KLHL2: variants seen among roughly 807,000 people sequenced by gnomAD.
The protein encoded by KLHL2 is kelch like family member 2.
KLHL2 carries 15 observed loss-of-function variants against 75.8 expected under a neutral mutation model. The ratio of observed to expected loss-of-function variants is 0.20; its 90% CI spans 0.13 to 0.30. The LOEUF (loss-of-function observed/expected upper bound fraction) is 0.30. Among genes scored for constraint, KLHL2 ranks in the 10% least tolerant of loss-of-function variants. KLHL2 has a pLI of 1.00. For missense variants in KLHL2, 381 were observed against 741.0 expected, an observed-to-expected ratio of 0.51 and a Z score of 5.64; for synonymous variants, 214 against 251.9, an observed-to-expected ratio of 0.85 and a Z score of 1.42.
At chr4:165,296,870 T>C (rs1744954198) in intron 6 of KLHL2, among the ~76,000 whole-genome samples, 1 of 152,204 alleles carries the variant, frequency 6.6e-6, no homozygotes, top group South Asian at 2.1e-4. Context: ...TTCTTGCTTT[T>C]TTTTTTCAAA....
rs139140513 is a variant in KLHL2, at chr4:165,239,263, T to TC, written c.381+365dup. The stretch of plus-strand genomic sequence containing the variant: ...TGACTGCCAATATTTTTTATTTCTG[T>TC]CTTTTTTTTTTTTTTTTTGATACCC... On this transcript the variant is annotated intron_variant, in intron 4 of 14. Coordinates refer to ENST00000226725, the MANE Select transcript of KLHL2 (RefSeq NM_007246.4). 3.8e-3 allele frequency among the ~76,000 whole-genome samples: 542 copies of TC among 141,450 alleles called. 2 individuals carry two copies. The highest frequency in any genetic ancestry group is 6.1e-3 in the Non-Finnish European group (392 of 64,490). The allele number at this position is 141,450 out of a possible 152,430, so 92.8% of individuals were successfully genotyped here.
intron 1 of KLHL2, among the ~76,000 whole-genome samples, chr4:165,214,196 C>T (rs1737383400): frequency 6.6e-6 from 1 of 151,972 alleles, no homozygotes; most frequent in African/African-American, 2.4e-5. Context: ...TATTGCCGCC[C>T]CCTTACCAAC....
intron 11 of KLHL2, among the ~76,000 whole-genome samples, 172 bp downstream of exon 11, chr4:165,311,737 A>G (rs146399076): frequency 3.9e-4 from 60 of 152,186 alleles, no homozygotes; most frequent in African/African-American, 1.4e-3. Flanking sequence ...TAGCTTCTCT[A>G]TATAAATCAA....
intron 4 of KLHL2, among the ~76,000 whole-genome samples, chr4:165,244,508 A>G (rs1740085802): frequency 6.6e-6 from 1 of 152,218 alleles, no homozygotes; most frequent in African/African-American, 2.4e-5. Context: ...GTAAACATTG[A>G]AATGAAATTC....
rs944172166 is a variant in KLHL2 at position 165,299,648 on chromosome 4, C to T, written c.913C>T (p.Leu305Phe). Residue 305 changes from leucine to phenylalanine, a missense_variant, in exon 8 of 15, where the codon CTT (leucine) becomes TTT (phenylalanine). This residue lies in a region of KLHL2 where 168 missense variants were observed against 370.4 expected (regional missense o/e 0.45). Transcript: ENST00000226725. The stretch of plus-strand genomic sequence containing the variant: ...GACCCGGCTGAGGACACCCATGAAC[C>T]TTCCCAAAGTAGGATCTGTTTCTCA... ...VRTRLRTPMN[L>F]PKLMVVVGGQ... The T allele has an allele frequency of 6.2e-7, 1 of 1,604,232 alleles. No individual in the cohort carries two copies. The highest frequency in any genetic ancestry group is 1.1e-5 in the South Asian group (1 of 89,482).
At chr4:165,215,873 T>C (rs1737500339) in intron 1 of KLHL2, among the ~76,000 whole-genome samples, 1 of 152,160 alleles carries the variant, frequency 6.6e-6, no homozygotes. Context: ...GCTGGCTTTC[T>C]CCTATACTCC....
intron 5 of KLHL2, among the ~76,000 whole-genome samples, chr4:165,264,704 G>GTGTGTATATA (rs1323043527): frequency 1.6e-4 from 13 of 82,808 alleles, no homozygotes; most frequent in East Asian, 4.7e-4. Context: ...GTGTGTGTGT[G>GTGTGTATATA]TATATATATA....
chr4:165,232,497 G>A (rs7664299), intron 3 of KLHL2, among the ~76,000 whole-genome samples: 68,490 of 151,636 alleles, frequency 0.45, 16,859 homozygotes, highest in African/African-American at 0.65. Flanking sequence ...TTGGGAGGCC[G>A]AGGTGGCAGA....
intron 14 of KLHL2, among the ~76,000 whole-genome samples, chr4:165,320,549 C>G (rs1296135626): frequency 2.6e-5 from 4 of 152,144 alleles, no homozygotes; most frequent in Admixed American, 6.5e-5. Context: ...GCCTCTAGAT[C>G]AGTGACCATA....
chr4:165,246,171 C>T (rs1740246183), intron 4 of KLHL2, among the ~76,000 whole-genome samples: 1 of 151,994 alleles, frequency 6.6e-6, no homozygotes, highest in African/African-American at 2.4e-5. Context: ...GATAACATTC[C>T]AAGCAGCAGG....
At chr4:165,261,563 T>G (rs1447604648) in intron 4 of KLHL2, among the ~76,000 whole-genome samples, 3 of 152,170 alleles carry the variant, frequency 2.0e-5, no homozygotes, top group Non-Finnish European at 4.4e-5. Flanking sequence ...GGTCTCAAAC[T>G]CCTGACCTCA....
intron 10 of KLHL2, among the ~76,000 whole-genome samples, chr4:165,311,011 C>T (rs149482748): frequency 7.2e-5 from 11 of 151,994 alleles, no homozygotes; most frequent in East Asian, 1.9e-4. Context: ...CCCGCCACCA[C>T]GCCCGGCTAA....
rs1424492180 is a variant in KLHL2 at position 165,319,404 on chromosome 4, GA to G, written c.1753+1440del. Among the ~76,000 whole-genome samples the G allele has an allele frequency of 6.6e-6, 1 of 152,148 alleles. No individual in the cohort carries two copies. Among genetic ancestry groups the G allele is most frequent in the Admixed American group, 6.5e-5 (1 of 15,278 alleles). On this transcript the variant is annotated intron_variant, in intron 14 of 14. Transcript: ENST00000226725. This position sits in a 1 kb window ranked among gnomAD's most constrained non-coding sequence, Gnocchi z 4.5. ...GCAGAGAAGAGTCATGACATTACAA[GA>G]AAAAGCTGAATTGCTTGAGATATAC...
chr4:165,302,238 A>G (rs1442579258), intron 8 of KLHL2, among the ~76,000 whole-genome samples: 1 of 152,148 alleles, frequency 6.6e-6, no homozygotes, highest in East Asian at 1.9e-4. Flanking sequence ...ATATTTTCGA[A>G]AAGGTGCTGG....
chr4:165,250,799 A>T (rs1366756921), intron 4 of KLHL2, among the ~76,000 whole-genome samples: 1 of 152,140 alleles, frequency 6.6e-6, no homozygotes, highest in Non-Finnish European at 1.5e-5. Flanking sequence ...AATAGCTCCT[A>T]TGACTTTTCC....
intron 7 of KLHL2, 134 bp downstream of exon 7, chr4:165,297,859 G>GA: frequency 1.5e-6 from 1 of 666,026 alleles, no homozygotes; most frequent in Non-Finnish European, 2.7e-6. Context: ...GACAGTAAAG[G>GA]ACCCCGCAGG....
intron 1 of KLHL2, among the ~76,000 whole-genome samples, chr4:165,209,615 A>ATG (rs1364872690): frequency 6.6e-6 from 1 of 152,194 alleles, no homozygotes; most frequent in East Asian, 1.9e-4. Context: ...CATAATTTTG[A>ATG]TGACCAGCGC....
In KLHL2 at chr4:165,209,020, C is replaced by T. The variant is rs539944189; in HGVS notation, c.26+1118C>T. The stretch of plus-strand genomic sequence containing the variant: ...TAGGAGAGCTAATGGGATTCTGGAA[C>T]GACAGTTTCTAAAAGTGCGTTTCAG... On this transcript the variant is annotated intron_variant, in intron 1 of 14. Coordinates refer to ENST00000226725, the MANE Select transcript of KLHL2 (RefSeq NM_007246.4). 3.3e-3 allele frequency among the ~76,000 whole-genome samples: 502 copies of T among 152,246 alleles called. 7 individuals are homozygous for T. The highest frequency in any genetic ancestry group is 0.011 in the African/African-American group (459 of 41,528).
intron 5 of KLHL2, chr4:165,278,704 T>C: frequency 1.2e-6 from 2 of 1,604,586 alleles, no homozygotes; most frequent in Non-Finnish European, 1.7e-6. Context: ...AAGCGTAATA[T>C]ACCGGTTTGT....
Sources: gnomAD v4.1 joint callset for allele counts (sites outside exome capture counted in the v4.1 genomes callset) on GRCh38, gnomAD v4.1.1 for gene constraint, gnomAD v4.1.1 regional missense constraint, Gnocchi (gnomAD v3.1) non-coding constraint, MANE v1.5 for transcripts, NCBI Gene and HGNC (gene_info 2026-07-23, HGNC 2026-07-21) for gene names.